UVSSA: variants seen among roughly 807,000 people sequenced by gnomAD.
UVSSA encodes UV-stimulated scaffold protein A.
A neutral mutation model predicts 73.9 loss-of-function variants in UVSSA; 72 were observed. The observed-to-expected ratio is 0.97, with a 90% CI of 0.81 to 1.19. UVSSA has a LOEUF of 1.19. UVSSA is among the 50% of genes most tolerant of loss of function. The pLI is 0.00. For synonymous variants in UVSSA, 454 were observed against 391.3 expected, an observed-to-expected ratio of 1.16 and a Z score of -1.89; for missense variants, 1,150 against 965.0, an observed-to-expected ratio of 1.19 and a Z score of -2.54.
upstream of UVSSA, among the ~76,000 whole-genome samples, chr4:1,343,470 A>G (rs528737644): frequency 1.3e-5 from 2 of 151,880 alleles, no homozygotes; most frequent in African/African-American, 2.4e-5. Flanking sequence ...CTTATAAATC[A>G]TAACAATATT....
chr4:1,382,982 C>G (rs1158728097), intron 12 of UVSSA, among the ~76,000 whole-genome samples: 1 of 152,240 alleles, frequency 6.6e-6, no homozygotes, highest in Non-Finnish European at 1.5e-5. Flanking sequence ...ACCAGCACCA[C>G]ACCTGGTGGA....
At chr4:1,345,549 G>A (rs187718546), upstream of UVSSA, among the ~76,000 whole-genome samples, 8 of 151,234 alleles carry the variant, frequency 5.3e-5, no homozygotes, top group Admixed American at 5.3e-4. Context: ...GGAGGCTGAG[G>A]CAGGAGAATC....
intron 3 of UVSSA, 43 bp downstream of exon 3, chr4:1,349,897 C>T (rs372165812): frequency 9.1e-5 from 134 of 1,465,442 alleles, no homozygotes; most frequent in African/African-American, 1.8e-4. Flanking sequence ...GGTTACCTGA[C>T]GTGAGGAGGG....
In UVSSA at chr4:1,395,359, A is replaced by G. The variant is rs1560502065; in HGVS notation, c.*9398A>G. The G allele has an allele frequency of 4.6e-6, 7 of 1,512,476 alleles. No homozygotes were observed. The Admixed American group carries it at 9.4e-5, about 20-fold the overall frequency. 93.7% of individuals were successfully genotyped at this position (1,512,476 alleles called of 1,614,324 possible). On this transcript the variant is annotated 3_prime_UTR_variant, in exon 14 of 14. Transcript: ENST00000511216. ...CGATGTGGGGTGCCCGCCTGCTCAC[A>G]TGTGCCGATGTGGAGTGCCCGCCTG...
chr4:1,358,794 T>C (rs1313337510), intron 7 of UVSSA, among the ~76,000 whole-genome samples: 4 of 152,244 alleles, frequency 2.6e-5, no homozygotes. Context: ...CCTCCGTGTC[T>C]CCCCATTTAG....
chr4:1,351,099 T>C (rs1714655279), intron 3 of UVSSA, among the ~76,000 whole-genome samples: 1 of 152,098 alleles, frequency 6.6e-6, no homozygotes, highest in Admixed American at 6.5e-5. Flanking sequence ...GGAGTATTGC[T>C]TTGTTGCCCA....
At chr4:1,345,359 G>A (rs1203625775), upstream of UVSSA, among the ~76,000 whole-genome samples, 1 of 147,450 alleles carries the variant, frequency 6.8e-6, no homozygotes, top group African/African-American at 2.7e-5. Flanking sequence ...GCCCAGGCAC[G>A]GTGGCCCAGG....
At chr4:1,363,708 C>T (rs543021267) in intron 7 of UVSSA, among the ~76,000 whole-genome samples, 5 of 152,300 alleles carry the variant, frequency 3.3e-5, no homozygotes, top group Admixed American at 1.3e-4. Flanking sequence ...GTTATTCAGA[C>T]GTGATGGATC....
rs574821239 is a variant in UVSSA, at chr4:1,357,442, A to G, written c.1176+2197A>G. Among the ~76,000 whole-genome samples the G allele has an allele frequency of 1.1e-4, 17 of 152,354 alleles. No homozygotes were observed. The East Asian group carries it at 2.5e-3, about 22-fold the overall frequency. On this transcript the variant is annotated intron_variant, in intron 7 of 13. Transcript: ENST00000389851. ...ACCCCTGCCTGCATCTCACAGCTCTACAGCATCTGGGATGCCCTCCAAGTG... is the reference window on the plus strand; with the variant it reads ...ACCCCTGCCTGCATCTCACAGCTCTGCAGCATCTGGGATGCCCTCCAAGTG...
At chr4:1,371,565 T>G (rs1020042355) in intron 8 of UVSSA, among the ~76,000 whole-genome samples, 1 of 152,226 alleles carries the variant, frequency 6.6e-6, no homozygotes, top group Non-Finnish European at 1.5e-5. Flanking sequence ...AGAGGTTTAC[T>G]GGACTTAGCG....
At chr4:1,354,641 G>C (rs931292263) in intron 5 of UVSSA, 94 bp from the exon 6 acceptor site, 4 of 1,143,884 alleles carry the variant, frequency 3.5e-6, no homozygotes, top group African/African-American at 3.1e-5. Context: ...TTCCCCTCAG[G>C]CTAGAGCAGC....
At chr4:1,373,144 G>A (rs922149616) in intron 8 of UVSSA, among the ~76,000 whole-genome samples, 41 of 152,164 alleles carry the variant, frequency 2.7e-4, no homozygotes, top group African/African-American at 2.9e-4. Flanking sequence ...TTGCATTCAC[G>A]GTTGCTATTG....
intron 12 of UVSSA, among the ~76,000 whole-genome samples, chr4:1,382,155 C>T (rs1719584680): frequency 6.6e-6 from 1 of 152,254 alleles, no homozygotes; most frequent in Non-Finnish European, 1.5e-5. Flanking sequence ...GAGGCAGCAG[C>T]TCAGCCCTGG....
rs767751652 is a variant in UVSSA at position 1,364,701 on chromosome 4, A to G, written c.1177-1619A>G. ...CCCTCAGCTGTGCTGTGGGAACAGG[A>G]ATGCAGGCGCCTCCATCCCGGGGGT... is the stretch of plus-strand genomic sequence containing the variant. On this transcript the variant is annotated intron_variant, in intron 7 of 13. Coordinates refer to ENST00000389851, the MANE Select transcript of UVSSA (RefSeq NM_020894.4). Among the ~76,000 whole-genome samples, 96 of 152,022 alleles carry G rather than the reference A, an allele frequency of 6.3e-4. 1 individual carries two copies. Among genetic ancestry groups the G allele is most frequent in the Non-Finnish European group, 8.4e-4 (57 of 67,968 alleles).
Position 1,387,737 on chromosome 4 carries a change from A to T in UVSSA, c.*1776A>T, listed in dbSNP as rs1577392680. ...GAATTATCTTCGCACCATTATTGATAATCAGTTGACCAAAAATGTACAGGC... is the reference window on the plus strand; with the variant it reads ...GAATTATCTTCGCACCATTATTGATTATCAGTTGACCAAAAATGTACAGGC... On this transcript the variant is annotated 3_prime_UTR_variant, in exon 14 of 14. Coordinates refer to ENST00000389851, the MANE Select transcript of UVSSA (RefSeq NM_020894.4). The T allele has an allele frequency of 1.3e-5, 2 of 152,186 alleles. No individual in the cohort carries two copies. The highest frequency in any genetic ancestry group is 4.1e-4 in the South Asian group (2 of 4,834). The allele number at this position is 152,186 out of a possible 1,614,324, so 9.4% of individuals were successfully genotyped here. A position where few individuals can be genotyped will look rare whatever the true frequency, so the allele number is the denominator to read the frequency against.
chr4:1,352,634 G>A lies in UVSSA; in HGVS notation c.551-396G>A, dbSNP rs555764469. On this transcript the variant is annotated intron_variant, in intron 4 of 13. Transcript: ENST00000389851. ...GCCTTGCAGGCCCAGCTGCTGAGCTGGGTGCTCTAGTAAGCGGTTAAAAAG... is the reference window on the plus strand; with the variant it reads ...GCCTTGCAGGCCCAGCTGCTGAGCTAGGTGCTCTAGTAAGCGGTTAAAAAG... 2.9e-4 allele frequency among the ~76,000 whole-genome samples: 44 copies of A among 152,352 alleles called. No homozygotes were observed. The South Asian group carries it at 6.8e-3, about 24-fold the overall frequency.
In UVSSA at chr4:1,380,034, G is replaced by A. The variant is rs1160309116; in HGVS notation, c.1569-13G>A. ...CCTGCAGATGCTATGAGGGCCTCTGGCTGTGTCTGCAGGTCTGACTCCCAG... is the reference window on the plus strand; with the variant it reads ...CCTGCAGATGCTATGAGGGCCTCTGACTGTGTCTGCAGGTCTGACTCCCAG... On this transcript the variant is annotated splice_polypyrimidine_tract_variant and intron_variant, in intron 10 of 13. Coordinates refer to ENST00000389851, the MANE Select transcript of UVSSA (RefSeq NM_020894.4). 1 of 1,590,754 alleles carries A rather than the reference G, an allele frequency of 6.3e-7. No homozygotes were observed. The highest frequency in any genetic ancestry group is 2.3e-5 in the East Asian group (1 of 43,894).
intron 1 of UVSSA, 154 bp from the exon 2 acceptor site, chr4:1,347,936 A>G (rs1033374718): frequency 6.1e-6 from 4 of 660,902 alleles, no homozygotes; most frequent in African/African-American, 5.4e-5. Context: ...TGCTGGACAC[A>G]CATATTTCCC....
exon 14 of UVSSA, chr4:1,395,761 C>G: frequency 6.2e-7 from 1 of 1,614,210 alleles, no homozygotes; most frequent in Non-Finnish European, 8.5e-7. Flanking sequence ...GAGTCAGACG[C>G]TGTTACCGTA....
Sources: gnomAD v4.1 joint callset for allele counts (sites outside exome capture counted in the v4.1 genomes callset) on GRCh38, gnomAD v4.1.1 for gene constraint, MANE v1.5 for transcripts, NCBI Gene and HGNC (gene_info 2026-07-23, HGNC 2026-07-21) for gene names.